The following BFSP2 variants were observed in gnomAD, a reference collection of about 807,000 sequenced individuals.
BFSP2 encodes beaded filament structural protein 2.
Under a neutral mutation model 44.9 loss-of-function variants are expected in BFSP2, and 38 were observed. That is an observed-to-expected ratio of 0.85 (90% confidence interval 0.65 to 1.11). The LOEUF (loss-of-function observed/expected upper bound fraction) is 1.11, where lower values mean the gene tolerates loss of function less well. Ranked by LOEUF, BFSP2 falls within the 50% of genes least tolerant of loss-of-function variation. BFSP2 has a pLI of 0.00. For missense variants in BFSP2, 525 were observed against 533.0 expected (o/e 0.99, Z 0.15); for synonymous variants, 197 against 209.9 (o/e 0.94, Z 0.53).
At chr3:133,435,845 C>T (rs2073775555) in intron 1 of BFSP2, among the ~76,000 whole-genome samples, 2 of 152,018 alleles carry the variant, frequency 1.3e-5, no homozygotes, top group Non-Finnish European at 2.9e-5. Flanking sequence ...GGGCATTGTC[C>T]CCATAAACTT....
intron 4 of BFSP2, among the ~76,000 whole-genome samples, chr3:133,453,841 A>T (rs1438195109): frequency 6.6e-6 from 1 of 152,244 alleles, no homozygotes. Context: ...AGTCATTAAA[A>T]GCTTAATAAA....
intron 1 of BFSP2, among the ~76,000 whole-genome samples, chr3:133,419,024 G>T (rs1339143608): frequency 6.6e-6 from 1 of 152,226 alleles, no homozygotes; most frequent in Admixed American, 6.5e-5. Context: ...CTGGAGGCCA[G>T]AAGTCCAAGA....
intron 5 of BFSP2, among the ~76,000 whole-genome samples, chr3:133,468,229 G>A (rs1344335720): frequency 6.6e-6 from 1 of 152,132 alleles, no homozygotes. Flanking sequence ...TGTGAGGGAG[G>A]GGCAGATGGG....
At chr3:133,437,961 T>C (rs1359857611) in intron 1 of BFSP2, among the ~76,000 whole-genome samples, 1 of 152,240 alleles carries the variant, frequency 6.6e-6, no homozygotes, top group East Asian at 1.9e-4. Flanking sequence ...AGTAGCATAG[T>C]AATTAAACTG....
chr3:133,436,679 A>G (rs1458341054), intron 1 of BFSP2, among the ~76,000 whole-genome samples: 2 of 152,214 alleles, frequency 1.3e-5, no homozygotes, highest in Non-Finnish European at 2.9e-5. Context: ...ATATGTACAC[A>G]TGTGCCATGT....
At chr3:133,431,865 GC>G (rs1340975327) in intron 1 of BFSP2, among the ~76,000 whole-genome samples, 39 of 152,074 alleles carry the variant, frequency 2.6e-4, no homozygotes, top group African/African-American at 9.4e-4. Context: ...ATCCCCACCT[GC>G]CCCGTTCCCT....
chr3:133,463,248 G>A (rs2074080363), intron 4 of BFSP2, among the ~76,000 whole-genome samples: 1 of 152,186 alleles, frequency 6.6e-6, no homozygotes, highest in African/African-American at 2.4e-5. Context: ...GGCAGAGGTT[G>A]CGGTGAGCTG....
chr3:133,400,336 C>T lies in BFSP2; in HGVS notation c.253C>T (p.Leu85Phe). Residue 85 changes from leucine to phenylalanine, a missense_variant, in exon 1 of 7, where the codon CTT becomes TTT. Physicochemically the swap from Leu to Phe is conservative, Grantham distance 22. Coordinates refer to ENST00000302334, the MANE Select transcript of BFSP2 (RefSeq NM_003571.4). This position sits in a 1 kb window ranked among gnomAD's most constrained non-coding sequence, Gnocchi z 4.0. The part of the protein sequence containing the change: ...RRALGISSVF[L>F]QGLRSSGLAT... ...GGCCCTCGGCATCAGCAGTGTCTTC[C>T]TTCAGGGCCTGCGGAGCTCAGGCCT... 6.2e-7 allele frequency: 1 copy of T among 1,614,058 alleles called. No individual in the cohort carries two copies.
chr3:133,403,654 ATGTT>A (rs2073380335), intron 1 of BFSP2, among the ~76,000 whole-genome samples: 1 of 152,156 alleles, frequency 6.6e-6, no homozygotes, highest in African/African-American at 2.4e-5. Context: ...ATTTCCATAA[ATGTT>A]TGGGAAACAA....
At chr3:133,431,385 C>T (rs1342745926) in intron 1 of BFSP2, among the ~76,000 whole-genome samples, 5 of 152,162 alleles carry the variant, frequency 3.3e-5, no homozygotes, top group East Asian at 1.9e-4. Context: ...CCAGAACCTC[C>T]TCCCCCAGGA....
intron 1 of BFSP2, among the ~76,000 whole-genome samples, chr3:133,414,759 T>TGCC (rs1470983307): frequency 4.0e-3 from 167 of 41,956 alleles, no homozygotes; most frequent in Middle Eastern, 0.02. Context: ...TACTCACCCC[T>TGCC]ATTCTCTCCC....
Position 133,468,572 on chromosome 3 carries a change from G to A in BFSP2, c.1023+1613G>A, listed in dbSNP as rs73861107. 4.7e-3 allele frequency among the ~76,000 whole-genome samples: 709 copies of A among 152,228 alleles called. 5 individuals carry two copies. The highest frequency in any genetic ancestry group is 0.016 in the African/African-American group (664 of 41,514). On this transcript the variant is annotated intron_variant, in intron 5 of 6. Coordinates refer to ENST00000302334, the MANE Select transcript of BFSP2 (RefSeq NM_003571.4). ...TTTTCTCTCTCCCTGTGACCACTCCGTGTAGCTAGCTTAGACCTCCTCATA... is the reference window on the plus strand; with the variant it reads ...TTTTCTCTCTCCCTGTGACCACTCCATGTAGCTAGCTTAGACCTCCTCATA...
chr3:133,471,984 C>T (rs554388074), intron 5 of BFSP2, among the ~76,000 whole-genome samples: 10 of 151,994 alleles, frequency 6.6e-5, no homozygotes, highest in Non-Finnish European at 1.3e-4. Flanking sequence ...TTTGAAGAAA[C>T]GCCTGCAAGC....
At chr3:133,450,915 TCCTGGCTAACAG>T (rs1466065010) in intron 4 of BFSP2, among the ~76,000 whole-genome samples, 1 of 152,020 alleles carries the variant, frequency 6.6e-6, no homozygotes, top group African/African-American at 2.4e-5. Context: ...ATCGATACCA[TCCTGGCTAACAG>T]GGTGAAACAC....
intron 1 of BFSP2, among the ~76,000 whole-genome samples, chr3:133,443,008 C>A (rs1168246427): frequency 6.6e-6 from 1 of 152,066 alleles, no homozygotes; most frequent in Non-Finnish European, 1.5e-5. Flanking sequence ...CAGGTGCGTG[C>A]AACCACGCCC....
In BFSP2 at chr3:133,472,479, G is replaced by T; in HGVS notation, c.1158G>T (p.Gln386His). The T allele has an allele frequency of 6.2e-7, 1 of 1,613,788 alleles. No homozygotes were observed. Among genetic ancestry groups the T allele is most frequent in the Non-Finnish European group, 8.5e-7 (1 of 1,180,022 alleles). The change falls in exon 6 of 7, where the codon CAG becomes CAT. Residue 386 changes from glutamine (Q) to histidine (H), a missense_variant. Coordinates refer to ENST00000302334, the MANE Select transcript of BFSP2 (RefSeq NM_003571.4). ...EIRAEAEQQQ[Q>H]ERAHLLARKC... Reference sequence around the variant, plus strand: ...GAGCGGAGGCGGAGCAGCAGCAACAGGAGCGCGCGCATCTGCTGGCCCGCA... The same window carrying T: ...GAGCGGAGGCGGAGCAGCAGCAACATGAGCGCGCGCATCTGCTGGCCCGCA...
At chr3:133,417,524 C>CCCT (rs1553778162) in intron 1 of BFSP2, among the ~76,000 whole-genome samples, 1 of 78,542 alleles carries the variant, frequency 1.3e-5, no homozygotes, top group Admixed American at 1.2e-4. Flanking sequence ...TTCCCTCGCT[C>CCCT]CCATCTCCCC....
chr3:133,454,265 C>T (rs1326184658), intron 4 of BFSP2, among the ~76,000 whole-genome samples: 1 of 152,160 alleles, frequency 6.6e-6, no homozygotes, highest in African/African-American at 2.4e-5. Context: ...AGGAGAAGTA[C>T]ACTATGATCA....
In BFSP2 at chr3:133,474,984, C is replaced by A; in HGVS notation, c.*12C>A. The A allele has an allele frequency of 6.2e-7, 1 of 1,614,188 alleles. No homozygotes were observed. The highest frequency in any genetic ancestry group is 8.5e-7 in the Non-Finnish European group (1 of 1,180,016). On this transcript the variant is annotated 3_prime_UTR_variant, in exon 7 of 7. Coordinates refer to ENST00000302334, the MANE Select transcript of BFSP2 (RefSeq NM_003571.4). The stretch of plus-strand genomic sequence containing the variant: ...TTCCTTTCAGCTGATGGAGAAACTT[C>A]CTCTTTTTCATGAAGAAAACACCCT...
Sources: allele counts gnomAD v4.1 joint callset (sites outside exome capture counted in the v4.1 genomes callset), GRCh38; gene constraint gnomAD v4.1.1; non-coding constraint Gnocchi (gnomAD v3.1); transcripts MANE v1.5; gene names NCBI Gene and HGNC (gene_info 2026-07-23, HGNC 2026-07-21).